KAZN: variants seen among roughly 807,000 people sequenced by gnomAD.
KAZN encodes the protein kazrin.
A neutral mutation model predicts 87.4 loss-of-function variants in KAZN; 40 were observed. The observed-to-expected ratio is 0.46, with a 90% CI of 0.36 to 0.60. The LOEUF is 0.60. Ranked by LOEUF, KAZN falls within the 20% of genes least tolerant of loss-of-function variation. The pLI is 0.00. For synonymous variants in KAZN, 466 were observed against 458.3 expected (o/e 1.02, Z -0.22); for missense variants, 898 against 1,073.9 (o/e 0.84, Z 2.29).
At chr1:14,499,944 C>T (rs145506030) in intron 2 of KAZN, among the ~76,000 whole-genome samples, 1 of 152,166 alleles carries the variant, frequency 6.6e-6, no homozygotes, top group Admixed American at 6.5e-5. Context: ...CCACGCTGTT[C>T]AAGGCACCTG....
At chr1:14,936,089 C>T (rs1660425341) in intron 1 of KAZN, among the ~76,000 whole-genome samples, 1 of 152,242 alleles carries the variant, frequency 6.6e-6, no homozygotes, top group South Asian at 2.1e-4. Context: ...TCATGTCTCT[C>T]CAGTGTGTGG....
chr1:14,098,309 C>T (rs1644174160), intron 1 of KAZN, among the ~76,000 whole-genome samples: 1 of 151,990 alleles, frequency 6.6e-6, no homozygotes, highest in Non-Finnish European at 1.5e-5. Flanking sequence ...GGGCATCTGC[C>T]ACTGAAAGCC....
intron 2 of KAZN, among the ~76,000 whole-genome samples, chr1:14,519,142 A>T (rs75424475): frequency 0.036 from 5,496 of 152,178 alleles, 232 homozygotes; most frequent in East Asian, 0.16. Flanking sequence ...ATAATTGGAA[A>T]TTTTTAAAAA....
chr1:14,256,621 G>A lies in KAZN; in HGVS notation c.249+76029G>A, dbSNP rs146503742. Among the ~76,000 whole-genome samples, 718 of 152,178 alleles carry A rather than the reference G, an allele frequency of 4.7e-3. 6 individuals carry two copies. Among genetic ancestry groups the A allele is most frequent in the African/African-American group, 0.017 (686 of 41,520 alleles). On this transcript the variant is annotated intron_variant, in intron 2 of 16. Transcript: ENST00000636203. ...GGAAATTGCATTGGCTTTCCAGTTG[G>A]GTCTTCTCGGAGCCCATCCCTTCTT... is the stretch of plus-strand genomic sequence containing the variant.
chr1:14,422,353 G>A (rs1006645288), intron 2 of KAZN, among the ~76,000 whole-genome samples: 4 of 152,166 alleles, frequency 2.6e-5, no homozygotes, highest in African/African-American at 9.7e-5. Context: ...AGCCCAGTGG[G>A]GAAGAGCTTC....
In KAZN at chr1:15,103,418, C is replaced by G. The variant is rs138583324; in HGVS notation, c.1839C>G (p.Thr613=). Reference sequence around the variant, plus strand: ...AGAACATTGACCCCGTGGTGTGGACCAACCAGCGGGTGCTCAAGTGGGTTC... The same window carrying G: ...AGAACATTGACCCCGTGGTGTGGACGAACCAGCGGGTGCTCAAGTGGGTTC... The part of the protein sequence containing the change: ...ETQNIDPVVW[T]NQRVLKWVRD... Residue 613 remains threonine (T), a synonymous_variant, in exon 12 of 15, where the codon ACC becomes ACG. Transcript: ENST00000376030. The G allele has an allele frequency of 6.4e-7, 1 of 1,552,012 alleles. No homozygotes were observed. The highest frequency in any genetic ancestry group is 1.4e-5 in the African/African-American group (1 of 72,672).
chr1:14,012,358 T>C (rs1274073195), intron 1 of KAZN, among the ~76,000 whole-genome samples: 1 of 152,238 alleles, frequency 6.6e-6, no homozygotes, highest in East Asian at 1.9e-4. Flanking sequence ...CAAATGCACT[T>C]ATTTAATTCT....
chr1:14,073,917 T>A (rs1557453088), intron 1 of KAZN, among the ~76,000 whole-genome samples: 2 of 152,224 alleles, frequency 1.3e-5, no homozygotes, highest in African/African-American at 4.8e-5. Flanking sequence ...ATATATCCAG[T>A]AATGGGATTG....
intron 2 of KAZN, among the ~76,000 whole-genome samples, chr1:14,528,337 C>CA (rs33960231): frequency 0.32 from 15,600 of 48,916 alleles, 2,999 homozygotes; most frequent in African/African-American, 0.5. Flanking sequence ...GACTCCATCT[C>CA]AAAAAAAAAA....
intron 1 of KAZN, among the ~76,000 whole-genome samples, chr1:14,658,824 C>T (rs923248697): frequency 1.3e-5 from 2 of 152,188 alleles, no homozygotes; most frequent in Admixed American, 6.5e-5. Context: ...TTCTCCACTG[C>T]GTGCTGCTTT....
At chr1:14,141,210 A>G (rs1645227522) in intron 1 of KAZN, among the ~76,000 whole-genome samples, 1 of 147,848 alleles carries the variant, frequency 6.8e-6, no homozygotes. Context: ...AATCTTCTCC[A>G]TGACACTGTT....
At chr1:14,498,670 C>T (rs780412777) in intron 2 of KAZN, among the ~76,000 whole-genome samples, 24 of 151,390 alleles carry the variant, frequency 1.6e-4, no homozygotes, top group Middle Eastern at 3.4e-3. Context: ...CCAGCCTGGG[C>T]GACAGAGCAA....
At chr1:14,031,190 T>C (rs530522841) in intron 1 of KAZN, among the ~76,000 whole-genome samples, 1 of 152,304 alleles carries the variant, frequency 6.6e-6, no homozygotes, top group Non-Finnish European at 1.5e-5. Context: ...TATAGTGACT[T>C]TTGGAGGCAC....
intron 8 of KAZN, among the ~76,000 whole-genome samples, chr1:15,085,619 C>T (rs567042270): frequency 1.3e-4 from 20 of 152,146 alleles, no homozygotes; most frequent in African/African-American, 4.1e-4. Flanking sequence ...TGAGCCACCA[C>T]GCACCACCCA....
chr1:14,590,023 G>A (rs536897634), intron 2 of KAZN, among the ~76,000 whole-genome samples: 22 of 152,136 alleles, frequency 1.4e-4, no homozygotes, highest in African/African-American at 5.1e-4. Context: ...CGATAAAGGC[G>A]TCCTGAGATG....
intron 2 of KAZN, among the ~76,000 whole-genome samples, chr1:14,419,872 CACAG>C (rs1440338171): frequency 1.6e-4 from 24 of 152,116 alleles, no homozygotes; most frequent in Admixed American, 1.0e-3. Flanking sequence ...TTACAGCTCG[CACAG>C]ACAGTGAGAC....
intron 1 of KAZN, among the ~76,000 whole-genome samples, chr1:14,007,373 A>G (rs115874198): frequency 0.015 from 2,322 of 152,234 alleles, 63 homozygotes; most frequent in African/African-American, 0.054. Flanking sequence ...TTCAAGTACT[A>G]TGTTGAATCA....
intron 2 of KAZN, among the ~76,000 whole-genome samples, chr1:14,357,601 A>G (rs943592202): frequency 3.3e-5 from 5 of 152,320 alleles, no homozygotes; most frequent in Middle Eastern, 3.4e-3. Context: ...TGTTCCATCA[A>G]TACCTAGTTT....
At chr1:14,337,364 G>A (rs1657342686) in intron 2 of KAZN, among the ~76,000 whole-genome samples, 1 of 152,224 alleles carries the variant, frequency 6.6e-6, no homozygotes, top group Non-Finnish European at 1.5e-5. Context: ...GGTTTTAAAT[G>A]TTCTTCCTTT....
Sources: gnomAD v4.1 joint callset for allele counts (sites outside exome capture counted in the v4.1 genomes callset) on GRCh38, gnomAD v4.1.1 for gene constraint, MANE v1.5 for transcripts, NCBI Gene and HGNC (gene_info 2026-07-23, HGNC 2026-07-21) for gene names.